TRPM1: variants seen among roughly 807,000 people sequenced by gnomAD.
TRPM1 encodes TRPM1-203 APA Isoform, Intron 10.
TRPM1 carries 113 observed loss-of-function variants against 149.4 expected under a neutral mutation model. The observed-to-expected ratio is 0.76, with a 90% CI of 0.65 to 0.88. The LOEUF (loss-of-function observed/expected upper bound fraction) is 0.88, where lower values mean the gene tolerates loss of function less well. Ranked by LOEUF, TRPM1 falls within the 40% of genes least tolerant of loss-of-function variation. The pLI is 0.00. For missense variants in TRPM1, 1,976 were observed against 2,038.7 expected (o/e 0.97, Z 0.59); for synonymous variants, 741 against 759.5 (o/e 0.98, Z 0.40).
rs369844820 is a variant in TRPM1, at chr15:31,066,134, G to A, written c.732C>T (p.Ala244=). 2.7e-5 allele frequency: 43 copies of A among 1,614,018 alleles called. No individual in the cohort carries two copies. The highest frequency in any genetic ancestry group is 1.9e-4 in the African/African-American group (14 of 74,922). The part of the protein sequence containing the change: ...ADNGTLGKYG[A]EVKLRRLLEK... ...CCAGCAGCCTTCGCAGCTTCACCTC[G>A]GCGCCATACTTGCCCAGGGTGCCAT... Residue 244 remains alanine (A), a synonymous_variant, in exon 7 of 28, where the codon GCC becomes GCT. Coordinates refer to ENST00000256552, the MANE Select transcript of TRPM1 (RefSeq NM_001252024.2).
At chr15:31,086,861 T>A (rs897232175) in intron 1 of TRPM1, among the ~76,000 whole-genome samples, 10 of 152,310 alleles carry the variant, frequency 6.6e-5, no homozygotes, top group African/African-American at 2.4e-4. Flanking sequence ...TATTAATATT[T>A]ACAATACCTT....
chr15:31,159,224 C>T (rs1011144518), intron 1 of TRPM1, among the ~76,000 whole-genome samples: 4 of 152,232 alleles, frequency 2.6e-5, no homozygotes, highest in African/African-American at 9.6e-5. Flanking sequence ...ATTCTCCCCT[C>T]CTCCCCTTTT....
At chr15:31,104,381 T>C (rs1334185515), upstream of TRPM1, among the ~76,000 whole-genome samples, 5 of 152,122 alleles carry the variant, frequency 3.3e-5, no homozygotes, top group East Asian at 7.7e-4. Flanking sequence ...AGCAATATTG[T>C]TTCTCATGCT....
intron 1 of TRPM1, among the ~76,000 whole-genome samples, chr15:31,124,645 A>G (rs2035921269): frequency 8.1e-6 from 1 of 123,402 alleles, no homozygotes; most frequent in Non-Finnish European, 1.6e-5. Flanking sequence ...CAGAGTTAAG[A>G]CTCTGTCTCA....
At position 31,001,487 on chromosome 15, in the gene TRPM1, G is replaced by C; in HGVS notation, c.*335C>G. 3.1e-6 allele frequency: 1 copy of C among 321,436 alleles called. No homozygotes were observed. The highest frequency in any genetic ancestry group is 3.3e-5 in the South Asian group (1 of 30,404). The allele number at this position is 321,436 out of a possible 1,614,324, so 19.9% of individuals were successfully genotyped here. A position where few individuals can be genotyped will look rare whatever the true frequency, so the allele number is the denominator to read the frequency against. On this transcript the variant is annotated 3_prime_UTR_variant, in exon 28 of 28. Transcript: ENST00000256552. Reference sequence around the variant, plus strand: ...CCAGCTAGTTGCTTACTTCTTAAGTGACCTAATGGTGACTTCAGTGCTCGA... The same window carrying C: ...CCAGCTAGTTGCTTACTTCTTAAGTCACCTAATGGTGACTTCAGTGCTCGA...
chr15:31,101,544 A>T, intron 1 of TRPM1, 113 bp downstream of exon 1: 1 of 594,342 alleles, frequency 1.7e-6, no homozygotes, highest in Non-Finnish European at 2.1e-6. Flanking sequence ...ACCTGAGCTT[A>T]ACTGCATCTG....
At chr15:31,122,531 A>G (rs1319701053) in intron 1 of TRPM1, among the ~76,000 whole-genome samples, 1 of 152,216 alleles carries the variant, frequency 6.6e-6, no homozygotes, top group Non-Finnish European at 1.5e-5. Flanking sequence ...GTTTTCCTAT[A>G]TATCAGATAT....
intron 1 of TRPM1, among the ~76,000 whole-genome samples, chr15:31,098,266 C>G (rs948243700): frequency 8.7e-4 from 133 of 152,118 alleles, no homozygotes; most frequent in African/African-American, 3.1e-3. Context: ...CATGGTGAAG[C>G]CTTGTCTCTA....
chr15:31,023,021 AAAAC>A (rs2032600713), intron 27 of TRPM1, among the ~76,000 whole-genome samples: 1 of 152,316 alleles, frequency 6.6e-6, no homozygotes, highest in East Asian at 1.9e-4. Flanking sequence ...CTCAAAAACA[AAAAC>A]AAAAACAAAA....
intron 25 of TRPM1, among the ~76,000 whole-genome samples, chr15:31,027,494 T>C (rs1423535330): frequency 6.6e-6 from 1 of 152,258 alleles, no homozygotes; most frequent in Non-Finnish European, 1.5e-5. Context: ...TACTTTTTTT[T>C]CAACTGAATT....
rs926476077 is a variant in TRPM1, at chr15:31,049,375, T to G, written c.1572A>C (p.Thr524=). 6.2e-7 allele frequency: 1 copy of G among 1,614,224 alleles called. No individual in the cohort carries two copies. ...TIPRLEELYN[T]RLGPPNTLHL... ...CCTTCCCTTTTTCTAGAGCACTCAC[T>G]GTGTTATAAAGCTCCTCCAGCCTCG... Residue 524 remains threonine, a splice_region_variant and synonymous_variant, in exon 13 of 28, where the codon ACA becomes ACC. Coordinates refer to ENST00000256552, the MANE Select transcript of TRPM1 (RefSeq NM_001252024.2).
intron 11 of TRPM1, among the ~76,000 whole-genome samples, chr15:31,055,037 A>G (rs978194909): frequency 2.0e-5 from 3 of 152,194 alleles, no homozygotes; most frequent in Admixed American, 6.5e-5. Flanking sequence ...GTCTAGTAAT[A>G]TATAGCAAAT....
chr15:31,066,493 T>G (rs2034380554), intron 6 of TRPM1, among the ~76,000 whole-genome samples: 2 of 152,226 alleles, frequency 1.3e-5, no homozygotes. Context: ...TGAAAACCTA[T>G]GTTAACCTCA....
At chr15:31,089,146 T>C (rs1444234278) in intron 1 of TRPM1, among the ~76,000 whole-genome samples, 1 of 152,226 alleles carries the variant, frequency 6.6e-6, no homozygotes. Flanking sequence ...GAAGACAGGC[T>C]GCTGCTGTTT....
chr15:31,083,522 C>A (rs1256525559), intron 1 of TRPM1, among the ~76,000 whole-genome samples: 2 of 152,192 alleles, frequency 1.3e-5, no homozygotes, highest in Admixed American at 6.5e-5. Flanking sequence ...CACCTGTGGG[C>A]CCCACCTGGG....
chr15:31,087,528 G>A (rs1001211938), intron 1 of TRPM1, among the ~76,000 whole-genome samples: 2 of 151,996 alleles, frequency 1.3e-5, no homozygotes, highest in African/African-American at 2.4e-5. Flanking sequence ...TGCTGGGATT[G>A]CAGGAGTGAG....
chr15:31,153,260 C>G (rs1194887029), intron 1 of TRPM1, among the ~76,000 whole-genome samples: 1 of 152,214 alleles, frequency 6.6e-6, no homozygotes, highest in Non-Finnish European at 1.5e-5. Context: ...CTGGAGGCTT[C>G]ATCTGCATAA....
At chr15:31,005,510 T>C (rs1268826439) in intron 27 of TRPM1, among the ~76,000 whole-genome samples, 1 of 152,056 alleles carries the variant, frequency 6.6e-6, no homozygotes, top group African/African-American at 2.4e-5. Flanking sequence ...CCTTTTTTGG[T>C]GTCTCAAATC....
At chr15:31,088,402 G>A (rs2035066928) in intron 1 of TRPM1, among the ~76,000 whole-genome samples, 2 of 152,180 alleles carry the variant, frequency 1.3e-5, no homozygotes, top group Admixed American at 6.5e-5. Context: ...GCTGCAAGCA[G>A]AAAGTGTCTG....
Sources: gnomAD v4.1 joint callset for allele counts (sites outside exome capture counted in the v4.1 genomes callset) on GRCh38, gnomAD v4.1.1 for gene constraint, MANE v1.5 for transcripts, NCBI Gene and HGNC (gene_info 2026-07-23, HGNC 2026-07-21) for gene names.